UBE2D1: variants seen among roughly 807,000 people sequenced by gnomAD.
UBE2D1 encodes the protein ubiquitin conjugating enzyme E2 D1, also known as ubiquitin-conjugating enzyme E2 D1.
UBE2D1 carries 9 observed loss-of-function variants against 24.6 expected under a neutral mutation model. That is an observed-to-expected ratio of 0.37 (90% CI 0.22 to 0.64). UBE2D1 has a LOEUF of 0.64. Among genes scored for constraint, UBE2D1 ranks in the 30% least tolerant of loss-of-function variants. The pLI, the probability that UBE2D1 is intolerant of heterozygous loss-of-function variation, is 0.64. For missense variants in UBE2D1, 87 were observed against 177.1 expected (o/e 0.49, Z 2.89); for synonymous variants, 57 against 57.6 (o/e 0.99, Z 0.04).
At chr10:58,368,694 A>G (rs1216519741) in intron 6 of UBE2D1, 26 bp from the exon 7 acceptor site, 1 of 1,517,638 alleles carries the variant, frequency 6.6e-7, no homozygotes, top group African/African-American at 1.4e-5. Context: ...GTATGTTTTT[A>G]CTATATCCTT....
chr10:58,337,766 T>C (rs1839918504), intron 1 of UBE2D1, among the ~76,000 whole-genome samples: 1 of 152,136 alleles, frequency 6.6e-6, no homozygotes, highest in Admixed American at 6.5e-5. Flanking sequence ...GAAAGAAGAC[T>C]GAGGACCACT....
At chr10:58,360,041 A>G (rs547945985) in intron 1 of UBE2D1, among the ~76,000 whole-genome samples, 26 of 152,168 alleles carry the variant, frequency 1.7e-4, no homozygotes, top group African/African-American at 6.3e-4. Flanking sequence ...AGAACATGCC[A>G]CTTCTTAAGA....
At chr10:58,353,702 T>C (rs1222443499) in intron 1 of UBE2D1, among the ~76,000 whole-genome samples, 1 of 152,216 alleles carries the variant, frequency 6.6e-6, no homozygotes, top group Non-Finnish European at 1.5e-5. Flanking sequence ...TTGATATTCA[T>C]TTTTGTGTTT....
At chr10:58,337,714 T>C (rs1336115240) in intron 1 of UBE2D1, among the ~76,000 whole-genome samples, 1 of 152,172 alleles carries the variant, frequency 6.6e-6, no homozygotes, top group East Asian at 1.9e-4. Context: ...TCATCACTTC[T>C]ATAAATGGAG....
At chr10:58,349,205 T>A (rs1840047204) in intron 1 of UBE2D1, among the ~76,000 whole-genome samples, 1 of 152,210 alleles carries the variant, frequency 6.6e-6, no homozygotes, top group Non-Finnish European at 1.5e-5. Context: ...TTACTGATCA[T>A]TAATATCTTA....
chr10:58,366,221 T>G (rs1840253758), intron 5 of UBE2D1, among the ~76,000 whole-genome samples: 1 of 152,246 alleles, frequency 6.6e-6, no homozygotes, highest in African/African-American at 2.4e-5. Flanking sequence ...TATTGAGTAC[T>G]TATATTCTGA....
chr10:58,343,598 A>T (rs1190217368), intron 1 of UBE2D1, among the ~76,000 whole-genome samples: 1 of 152,226 alleles, frequency 6.6e-6, no homozygotes, highest in Non-Finnish European at 1.5e-5. Context: ...ACACACAAAT[A>T]TATTGATACA....
At chr10:58,367,048 A>T (rs545197540) in intron 5 of UBE2D1, among the ~76,000 whole-genome samples, 1 of 152,020 alleles carries the variant, frequency 6.6e-6, no homozygotes, top group Admixed American at 6.6e-5. Context: ...TAAAATACTA[A>T]TTTTTTCTTT....
intron 1 of UBE2D1, among the ~76,000 whole-genome samples, chr10:58,356,795 C>T (rs914798109): frequency 3.9e-5 from 6 of 152,140 alleles, no homozygotes; most frequent in African/African-American, 1.2e-4. Flanking sequence ...ATACATTGCT[C>T]GCTCTCTTTT....
At chr10:58,359,988 C>T (rs1237307479) in intron 1 of UBE2D1, among the ~76,000 whole-genome samples, 1 of 152,156 alleles carries the variant, frequency 6.6e-6, no homozygotes, top group Non-Finnish European at 1.5e-5. Flanking sequence ...TGTAGCTTCT[C>T]CTCTTTCCCA....
intron 1 of UBE2D1, among the ~76,000 whole-genome samples, chr10:58,360,306 T>TAA (rs900801524): frequency 1.3e-5 from 2 of 152,228 alleles, no homozygotes; most frequent in African/African-American, 4.8e-5. Context: ...TAGTCCTTTA[T>TAA]ATTGAATGTA....
At chr10:58,361,182 T>C (rs1840193375) in intron 1 of UBE2D1, among the ~76,000 whole-genome samples, 156 bp from the exon 2 acceptor site, 1 of 152,218 alleles carries the variant, frequency 6.6e-6, no homozygotes, top group African/African-American at 2.4e-5. Flanking sequence ...TTATTCTTTC[T>C]ACCAGTCAAT....
Position 58,369,619 on chromosome 10 carries a change from AT to A in UBE2D1, c.*855del, listed in dbSNP as rs1471418097. ...CTATTTGTCTTGATTACTTAAAAAA[AT>A]AAAAATATAAGTAAGGATCAAAACT... On this transcript the variant is annotated 3_prime_UTR_variant, in exon 7 of 7. Transcript: ENST00000373910. The A allele has an allele frequency of 9.8e-5, 15 of 152,474 alleles. No homozygotes were observed. Among genetic ancestry groups the A allele is most frequent in the African/African-American group, 3.6e-4 (15 of 41,448 alleles). The allele number at this position is 152,474 out of a possible 1,614,324, so 9.4% of individuals were successfully genotyped here.
intron 1 of UBE2D1, among the ~76,000 whole-genome samples, chr10:58,337,161 T>G (rs1839912275): frequency 6.6e-6 from 1 of 152,124 alleles, no homozygotes; most frequent in Non-Finnish European, 1.5e-5. Context: ...ATTACTTACA[T>G]AGAATTGATA....
At chr10:58,357,881 T>A (rs1840150024) in intron 1 of UBE2D1, among the ~76,000 whole-genome samples, 1 of 152,124 alleles carries the variant, frequency 6.6e-6, no homozygotes, top group Non-Finnish European at 1.5e-5. Flanking sequence ...GCTGCCTCTT[T>A]CCTATGTGGA....
At chr10:58,354,398 T>G (rs549678160) in intron 1 of UBE2D1, among the ~76,000 whole-genome samples, 4 of 151,948 alleles carry the variant, frequency 2.6e-5, no homozygotes, top group Admixed American at 6.6e-5. Context: ...ATACCTGCAG[T>G]TCTTAAACTT....
chr10:58,342,979 AC>A (rs1839978527), intron 1 of UBE2D1, among the ~76,000 whole-genome samples: 1 of 151,356 alleles, frequency 6.6e-6, no homozygotes, highest in Non-Finnish European at 1.5e-5. Flanking sequence ...ACAGGCGCCC[AC>A]CACCACACCC....
At chr10:58,359,674 C>T (rs1268424678) in intron 1 of UBE2D1, among the ~76,000 whole-genome samples, 2 of 152,288 alleles carry the variant, frequency 1.3e-5, no homozygotes, top group South Asian at 2.1e-4. Flanking sequence ...ATCCCAGTTC[C>T]GCCCTATAGT....
At chr10:58,357,935 G>A (rs947802772) in intron 1 of UBE2D1, among the ~76,000 whole-genome samples, 3 of 152,104 alleles carry the variant, frequency 2.0e-5, no homozygotes, top group African/African-American at 7.2e-5. Flanking sequence ...GCCTTTTCAG[G>A]TGTGTGTTAG....
Sources: allele counts gnomAD v4.1 joint callset (sites outside exome capture counted in the v4.1 genomes callset), GRCh38; gene constraint gnomAD v4.1.1; transcripts MANE v1.5; gene names NCBI Gene and HGNC (gene_info 2026-07-23, HGNC 2026-07-21).